The following ANKS1B variants were observed in gnomAD, a reference collection of about 807,000 sequenced individuals.
ANKS1B encodes ankyrin repeat and sterile alpha motif domain containing 1B, also known as ankyrin repeat and sterile alpha motif domain-containing protein 1B.
ANKS1B carries 36 observed loss-of-function variants against 148.3 expected under a neutral mutation model. That is an observed-to-expected ratio of 0.24 (90% CI 0.19 to 0.32). The LOEUF is 0.32. ANKS1B is among the 10% of genes least tolerant of loss of function. ANKS1B has a pLI of 1.00. For missense variants in ANKS1B, 1,157 were observed against 1,542.6 expected (o/e 0.75, Z 4.19); for synonymous variants, 542 against 560.8 (o/e 0.97, Z 0.47).
intron 17 of ANKS1B, among the ~76,000 whole-genome samples, chr12:98,955,219 C>A (rs977214568): frequency 6.6e-6 from 1 of 151,976 alleles, no homozygotes; most frequent in Non-Finnish European, 1.5e-5. Flanking sequence ...GGGAGGTATA[C>A]TTTAAAATAA....
intron 10 of ANKS1B, among the ~76,000 whole-genome samples, chr12:99,446,014 C>T (rs1003724578): frequency 1.3e-5 from 2 of 151,890 alleles, no homozygotes; most frequent in African/African-American, 2.4e-5. Context: ...TGAGCCACTG[C>T]ACCCAGCCCA....
intron 17 of ANKS1B, among the ~76,000 whole-genome samples, chr12:98,888,546 C>T (rs930930093): frequency 1.1e-4 from 16 of 152,186 alleles, no homozygotes; most frequent in Non-Finnish European, 2.1e-4. Flanking sequence ...AAACTCTTTG[C>T]CACGACCAGC....
intron 17 of ANKS1B, among the ~76,000 whole-genome samples, chr12:98,936,019 C>T (rs1005999983): frequency 2.6e-5 from 4 of 152,204 alleles, no homozygotes; most frequent in African/African-American, 9.6e-5. Context: ...ATAAAATTTC[C>T]TAAAATGCCT....
At chr12:99,689,366 G>C (rs2098667057) in intron 8 of ANKS1B, among the ~76,000 whole-genome samples, 1 of 152,148 alleles carries the variant, frequency 6.6e-6, no homozygotes, top group Non-Finnish European at 1.5e-5. Flanking sequence ...ATAATGCAAA[G>C]AAGAATACAA....
chr12:98,780,045 G>A (rs1293383481), intron 24 of ANKS1B, among the ~76,000 whole-genome samples: 2 of 152,176 alleles, frequency 1.3e-5, no homozygotes, highest in African/African-American at 2.4e-5. Context: ...AAAAACTTCC[G>A]ATTCAGATGC....
chr12:99,222,622 A>C (rs2085300907), intron 14 of ANKS1B, among the ~76,000 whole-genome samples: 1 of 152,050 alleles, frequency 6.6e-6, no homozygotes, highest in Non-Finnish European at 1.5e-5. Flanking sequence ...TCTCAAAAAC[A>C]AACAAACAAA....
chr12:99,098,389 T>C (rs2056897799), intron 15 of ANKS1B, among the ~76,000 whole-genome samples: 1 of 152,148 alleles, frequency 6.6e-6, no homozygotes, highest in African/African-American at 2.4e-5. Context: ...TACCCAGGGA[T>C]TGAGGATTAT....
At chr12:99,369,755 T>A (rs1044272746) in intron 12 of ANKS1B, among the ~76,000 whole-genome samples, 2 of 133,390 alleles carry the variant, frequency 1.5e-5, no homozygotes, top group African/African-American at 3.1e-5. Context: ...GAAAGATAGA[T>A]AGATAGATAG....
At chr12:99,365,539 T>C (rs911694546) in intron 12 of ANKS1B, among the ~76,000 whole-genome samples, 3 of 152,096 alleles carry the variant, frequency 2.0e-5, no homozygotes, top group African/African-American at 7.2e-5. Context: ...TGGAGAGTTG[T>C]AGAGTGCCTC....
At chr12:99,059,204 AAGTG>A (rs2041490486) in intron 16 of ANKS1B, among the ~76,000 whole-genome samples, 1 of 152,120 alleles carries the variant, frequency 6.6e-6, no homozygotes, top group Non-Finnish European at 1.5e-5. Context: ...AATAATAGAG[AAGTG>A]AGTATCTGTC....
At chr12:99,769,140 G>A (rs1358989567) in intron 8 of ANKS1B, among the ~76,000 whole-genome samples, 2 of 151,878 alleles carry the variant, frequency 1.3e-5, no homozygotes, top group Non-Finnish European at 2.9e-5. Context: ...TAAGATTTAC[G>A]AGATTTGTTC....
intron 1 of ANKS1B, among the ~76,000 whole-genome samples, chr12:99,853,022 C>G (rs1234319766): frequency 2.6e-5 from 4 of 152,096 alleles, no homozygotes; most frequent in Admixed American, 2.0e-4. Context: ...ACTCCATTGG[C>G]CTGGGAACCA....
chr12:99,041,095 GAACAT>G (rs1013018056), intron 17 of ANKS1B, among the ~76,000 whole-genome samples: 1 of 152,150 alleles, frequency 6.6e-6, no homozygotes, highest in African/African-American at 2.4e-5. Context: ...ACCTGTCCAA[GAACAT>G]AACACTGGGG....
intron 14 of ANKS1B, among the ~76,000 whole-genome samples, chr12:99,190,854 T>G (rs573198536): frequency 2.7e-4 from 41 of 152,150 alleles, no homozygotes; most frequent in African/African-American, 9.2e-4. Flanking sequence ...GGGATCTAAT[T>G]AAACTAAAGA....
intron 17 of ANKS1B, among the ~76,000 whole-genome samples, chr12:98,925,488 C>A (rs1396481426): frequency 1.3e-5 from 2 of 152,128 alleles, no homozygotes; most frequent in East Asian, 1.9e-4. Context: ...TTTTCACTGG[C>A]AAAATTTGTC....
intron 12 of ANKS1B, among the ~76,000 whole-genome samples, chr12:99,303,597 A>C (rs752946087): frequency 2.6e-5 from 4 of 152,150 alleles, no homozygotes; most frequent in Non-Finnish European, 4.4e-5. Flanking sequence ...AAATAAGGCA[A>C]AGTAGAAGAA....
At chr12:99,788,532 A>G (rs1195872217) in intron 4 of ANKS1B, among the ~76,000 whole-genome samples, 2 of 152,200 alleles carry the variant, frequency 1.3e-5, no homozygotes, top group Non-Finnish European at 2.9e-5. Context: ...CATCCAGCAC[A>G]GTCCCAGCTG....
chr12:99,468,024 C>T (rs1244500330), intron 10 of ANKS1B, among the ~76,000 whole-genome samples: 1 of 152,178 alleles, frequency 6.6e-6, no homozygotes. Context: ...CATCACGGTA[C>T]CTGACTTCAA....
chr12:98,845,715 A>C (rs935508625), intron 17 of ANKS1B, among the ~76,000 whole-genome samples: 11 of 151,302 alleles, frequency 7.3e-5, no homozygotes, highest in Non-Finnish European at 1.2e-4. Context: ...ATTCCCAGAT[A>C]ATTAAAACTT....
Sources: gnomAD v4.1 joint callset for allele counts (sites outside exome capture counted in the v4.1 genomes callset) on GRCh38, gnomAD v4.1.1 for gene constraint, MANE v1.5 for transcripts, NCBI Gene and HGNC (gene_info 2026-07-23, HGNC 2026-07-21) for gene names.